MTDH: variants seen among roughly 807,000 people sequenced by gnomAD.
The protein encoded by MTDH is protein LYRIC.
A neutral mutation model predicts 72.7 loss-of-function variants in MTDH; 34 were observed. The observed-to-expected ratio is 0.47, with a 90% CI of 0.36 to 0.62. MTDH has a LOEUF of 0.62. Ranked by LOEUF, MTDH falls within the 20% of genes least tolerant of loss-of-function variation. The probability of loss-of-function intolerance (pLI) is 0.00; values close to 1 mark genes in which losing one functional copy is unlikely to be tolerated. For missense variants in MTDH, 677 were observed against 699.4 expected (o/e 0.97, Z 0.36); for synonymous variants, 266 against 268.9 (o/e 0.99, Z 0.10).
At position 97,723,026 on chromosome 8, in the gene MTDH, C is replaced by G. The variant is rs367943661; in HGVS notation, c.1669C>G (p.Pro557Ala). 5.6e-6 allele frequency: 9 copies of G among 1,613,630 alleles called. No individual in the cohort carries two copies. Among genetic ancestry groups the G allele is most frequent in the Middle Eastern group, 1.7e-4 (1 of 6,056 alleles). The change falls in exon 11 of 12, where the codon CCT becomes GCT. Residue 557 changes from proline to alanine, a missense_variant. Pro to Ala is a conservative substitution (Grantham distance 27). This residue lies in a region of MTDH where 201 missense variants were observed against 204.5 expected (regional missense o/e 0.98). Coordinates refer to ENST00000336273, the MANE Select transcript of MTDH (RefSeq NM_178812.4). Reference sequence around the variant, plus strand: ...AAATACCAAGCAAAATAGTGTGCCTCCTTCACAGAGTAAGTAATCCTCATT... The same window carrying G: ...AAATACCAAGCAAAATAGTGTGCCTGCTTCACAGAGTAAGTAATCCTCATT... ...KSNTKQNSVP[P>A]SQTKSETSWE...
intron 8 of MTDH, among the ~76,000 whole-genome samples, chr8:97,711,076 A>T (rs1232510839): frequency 6.6e-6 from 1 of 152,196 alleles, no homozygotes; most frequent in Non-Finnish European, 1.5e-5. Context: ...TACTAACATA[A>T]CAGTGCTAAC....
At chr8:97,689,907 C>T (rs1216350418) in intron 5 of MTDH, among the ~76,000 whole-genome samples, 1 of 151,692 alleles carries the variant, frequency 6.6e-6, no homozygotes, top group East Asian at 1.9e-4. Flanking sequence ...TGGGGTTTCA[C>T]CTTGTTGGCC....
chr8:97,671,844 AAAT>A (rs750292233), intron 2 of MTDH, among the ~76,000 whole-genome samples: 4 of 152,094 alleles, frequency 2.6e-5, no homozygotes, highest in African/African-American at 4.8e-5. Flanking sequence ...ACCCCATCTC[AAAT>A]AATAATAATA....
intron 1 of MTDH, among the ~76,000 whole-genome samples, chr8:97,655,771 G>C (rs1811949222): frequency 6.6e-6 from 1 of 152,162 alleles, no homozygotes; most frequent in Non-Finnish European, 1.5e-5. Flanking sequence ...GGGCAACATA[G>C]CAAGACCTCA....
At chr8:97,680,868 A>G (rs1019709853) in intron 2 of MTDH, among the ~76,000 whole-genome samples, 1 of 152,224 alleles carries the variant, frequency 6.6e-6, no homozygotes, top group Non-Finnish European at 1.5e-5. Flanking sequence ...AAAGGGAAGT[A>G]GAGATTCTGT....
intron 8 of MTDH, among the ~76,000 whole-genome samples, chr8:97,708,627 A>T (rs942865206): frequency 2.0e-5 from 1 of 49,532 alleles, no homozygotes; most frequent in Non-Finnish European, 3.2e-5. Context: ...TTTGAGATGG[A>T]GTTTCCCCGT....
intron 6 of MTDH, chr8:97,696,310 C>CT: frequency 1.0e-6 from 1 of 979,580 alleles, no homozygotes; most frequent in Non-Finnish European, 1.2e-6. Context: ...GAAAAACAGT[C>CT]TTTTGTTCAG....
intron 2 of MTDH, among the ~76,000 whole-genome samples, chr8:97,669,494 C>T (rs545282595): frequency 1.3e-5 from 2 of 152,174 alleles, no homozygotes; most frequent in East Asian, 3.9e-4. Flanking sequence ...AAAAAGAAAT[C>T]TCGTGTCCAT....
At chr8:97,666,760 C>T (rs769360870) in intron 2 of MTDH, among the ~76,000 whole-genome samples, 4 of 152,090 alleles carry the variant, frequency 2.6e-5, no homozygotes, top group Non-Finnish European at 4.4e-5. Context: ...TGCAGTGGCA[C>T]GATCTCACTC....
intron 9 of MTDH, among the ~76,000 whole-genome samples, chr8:97,714,799 T>G (rs1313805469): frequency 6.6e-6 from 1 of 152,092 alleles, no homozygotes; most frequent in Non-Finnish European, 1.5e-5. Flanking sequence ...CATAGTAATT[T>G]TTCCTACTTA....
At chr8:97,644,912 G>A in intron 1 of MTDH, 25 bp downstream of exon 1, 1 of 1,512,214 alleles carries the variant, frequency 6.6e-7, no homozygotes, top group South Asian at 1.3e-5. Flanking sequence ...AGCGGCAGTA[G>A]AGAACGGGCG....
intron 7 of MTDH, among the ~76,000 whole-genome samples, chr8:97,704,780 T>G (rs544712440): frequency 1.7e-3 from 262 of 152,302 alleles, no homozygotes; most frequent in Non-Finnish European, 2.9e-3. Context: ...TTTAAAACTT[T>G]CATAAGAATG....
chr8:97,659,168 G>A (rs569765558), intron 1 of MTDH, among the ~76,000 whole-genome samples: 1 of 151,968 alleles, frequency 6.6e-6, no homozygotes, highest in African/African-American at 2.4e-5. Context: ...GATGATATTA[G>A]AAAGTAAAAT....
chr8:97,704,702 A>G (rs1262983342), intron 7 of MTDH, among the ~76,000 whole-genome samples: 7 of 151,850 alleles, frequency 4.6e-5, no homozygotes, highest in Non-Finnish European at 8.8e-5. Flanking sequence ...TGTGTAGACA[A>G]TTTTGTCTAT....
Position 97,686,714 on chromosome 8 carries a change from A to G in MTDH, c.530A>G (p.Gln177Arg), listed in dbSNP as rs1255824257. 3 of 1,598,516 alleles carry G rather than the reference A, an allele frequency of 1.9e-6. No individual in the cohort carries two copies. The highest frequency in any genetic ancestry group is 1.7e-6 in the Non-Finnish European group (2 of 1,173,004). Residue 177 changes from glutamine to arginine, a missense_variant, in exon 3 of 12, where the codon CAA becomes CGA. By Grantham distance (43) the Gln-to-Arg change is conservative. This residue lies in a region of MTDH where 467 missense variants were observed against 469.1 expected (regional missense o/e 1.00). Coordinates refer to ENST00000336273, the MANE Select transcript of MTDH (RefSeq NM_178812.4). ...TCAAAGTCAGATGCTAAAGCAGTGC[A>G]AAACAGTTCACGCCATGATGGAAAG... is the stretch of plus-strand genomic sequence containing the variant. ...KKSKSDAKAV[Q>R]NSSRHDGKEV...
At chr8:97,673,929 C>G (rs1179799506) in intron 2 of MTDH, among the ~76,000 whole-genome samples, 3 of 152,002 alleles carry the variant, frequency 2.0e-5, no homozygotes, top group Non-Finnish European at 4.4e-5. Context: ...GAACCAAGAT[C>G]GTACCACTGC....
chr8:97,682,247 T>TAA (rs1813131622), intron 2 of MTDH, among the ~76,000 whole-genome samples: 3 of 6,778 alleles, frequency 4.4e-4, no homozygotes, highest in African/African-American at 1.8e-3. Flanking sequence ...TATATATATA[T>TAA]ATATATATAT....
At chr8:97,664,361 A>G (rs182017224) in intron 2 of MTDH, among the ~76,000 whole-genome samples, 41 of 152,288 alleles carry the variant, frequency 2.7e-4, no homozygotes, top group Middle Eastern at 3.4e-3. Flanking sequence ...ATCTCAAAAA[A>G]AAAAAAATGG....
At chr8:97,693,570 C>A (rs760987300) in intron 6 of MTDH, among the ~76,000 whole-genome samples, 97 of 152,322 alleles carry the variant, frequency 6.4e-4, no homozygotes, top group Non-Finnish European at 1.2e-3. Context: ...TCATGATTCA[C>A]CTACCTTGGC....
Sources: allele counts gnomAD v4.1 joint callset (sites outside exome capture counted in the v4.1 genomes callset), GRCh38; gene constraint gnomAD v4.1.1; regional missense constraint gnomAD v4.1.1; transcripts MANE v1.5; gene names NCBI Gene and HGNC (gene_info 2026-07-23, HGNC 2026-07-21).